The following DNAH8 variants were observed in gnomAD, a reference collection of about 807,000 sequenced individuals.
DNAH8 encodes dynein axonemal heavy chain 8, also known as axonemal beta dynein heavy chain 8.
A neutral mutation model predicts 562.1 loss-of-function variants in DNAH8; 382 were observed. The observed-to-expected ratio is 0.68, with a 90% CI of 0.63 to 0.74. The LOEUF (loss-of-function observed/expected upper bound fraction) is 0.74. DNAH8 is among the 30% of genes least tolerant of loss of function. The probability of loss-of-function intolerance (pLI) is 0.00; values close to 1 mark genes in which losing one functional copy is unlikely to be tolerated. For synonymous variants in DNAH8, 1,881 were observed against 1,919.4 expected, an observed-to-expected ratio of 0.98 and a Z score of 0.52; for missense variants, 5,203 against 5,620.4, an observed-to-expected ratio of 0.93 and a Z score of 2.37.
At chr6:38,989,214 G>A (rs1764613527) in intron 87 of DNAH8, among the ~76,000 whole-genome samples, 1 of 152,142 alleles carries the variant, frequency 6.6e-6, no homozygotes, top group African/African-American at 2.4e-5. Context: ...TAATTCAGAC[G>A]TCGTGCCTGC....
At chr6:38,858,618 A>G (rs1776376295) in intron 42 of DNAH8, among the ~76,000 whole-genome samples, 1 of 152,162 alleles carries the variant, frequency 6.6e-6, no homozygotes, top group African/African-American at 2.4e-5. Flanking sequence ...CCCATCCAAG[A>G]CCTACTGAAT....
chr6:38,806,766 G>A (rs1297568971), intron 23 of DNAH8, among the ~76,000 whole-genome samples: 1 of 147,154 alleles, frequency 6.8e-6, no homozygotes, highest in Non-Finnish European at 1.5e-5. Flanking sequence ...GGGCGACAGA[G>A]CAAGACTCTG....
chr6:38,735,564 T>C (rs1437658767), intron 5 of DNAH8, among the ~76,000 whole-genome samples: 1 of 152,256 alleles, frequency 6.6e-6, no homozygotes, highest in Admixed American at 6.5e-5. Flanking sequence ...CCTCTATGTA[T>C]GGATGTTTCC....
chr6:38,929,721 AAAG>A (rs1484041623), intron 75 of DNAH8, 55 bp downstream of exon 75: 7 of 1,428,390 alleles, frequency 4.9e-6, no homozygotes, highest in Admixed American at 5.0e-5. Flanking sequence ...AAAAAGAAAA[AAAG>A]AAAAAAATTA....
At chr6:38,813,702 A>T (rs974314339) in intron 24 of DNAH8, among the ~76,000 whole-genome samples, 1 of 152,198 alleles carries the variant, frequency 6.6e-6, no homozygotes, top group African/African-American at 2.4e-5. Flanking sequence ...TTGTGAAAAT[A>T]TAGATAAAGA....
rs552227126 is a variant in DNAH8, at chr6:38,923,293, T to C, written c.10790+108T>C. ...GAATCCCATCATCTATGACAGTGCT[T>C]GCAACTTAAATCATGCACTCTCAGG... On this transcript the variant is annotated intron_variant, in intron 72 of 92. Coordinates refer to ENST00000327475, the MANE Select transcript of DNAH8 (RefSeq NM_001206927.2). 68 of 1,353,972 alleles carry C rather than the reference T, an allele frequency of 5.0e-5. 2 individuals are homozygous for C. The East Asian group carries it at 7.4e-4, about 15-fold the overall frequency. The allele number at this position is 1,353,972 out of a possible 1,614,324, so 83.9% of individuals were successfully genotyped here.
At chr6:38,988,074 A>G (rs1208816782) in intron 87 of DNAH8, among the ~76,000 whole-genome samples, 1 of 152,168 alleles carries the variant, frequency 6.6e-6, no homozygotes, top group African/African-American at 2.4e-5. Flanking sequence ...TGGGAGAAGC[A>G]GCTCCACTGT....
intron 88 of DNAH8, among the ~76,000 whole-genome samples, chr6:39,000,319 T>G (rs1008575393): frequency 6.6e-6 from 1 of 152,118 alleles, no homozygotes; most frequent in African/African-American, 2.4e-5. Context: ...AATTCCAATT[T>G]AGGGATCAAA....
At chr6:38,957,124 A>G (rs1231526126) in intron 82 of DNAH8, among the ~76,000 whole-genome samples, 2 of 152,174 alleles carry the variant, frequency 1.3e-5, no homozygotes, top group Non-Finnish European at 2.9e-5. Context: ...CCATAAAAAG[A>G]ACAGGAGTAA....
intron 33 of DNAH8, among the ~76,000 whole-genome samples, chr6:38,839,255 A>C (rs1328095229): frequency 6.6e-6 from 1 of 152,170 alleles, no homozygotes; most frequent in Admixed American, 6.5e-5. Flanking sequence ...AGAAATCATC[A>C]TCACCATTTA....
chr6:38,716,013 C>T lies in DNAH8; in HGVS notation c.-35+598C>T, dbSNP rs1404233035. 2.2e-5 allele frequency among the ~76,000 whole-genome samples: 2 copies of T among 89,660 alleles called. 1 individual carries two copies. Among genetic ancestry groups the T allele is most frequent in the Non-Finnish European group, 5.3e-5 (2 of 38,046 alleles). The allele number at this position is 89,660 out of a possible 152,430, so 58.8% of individuals were successfully genotyped here. A position where few individuals can be genotyped will look rare whatever the true frequency, so the allele number is the denominator to read the frequency against. On this transcript the variant is annotated intron_variant, in intron 1 of 92. Transcript: ENST00000327475. ...TCACTCTGCCGCCCAGGCTGGAGTG[C>T]AGTGGTGCGATCTCGGCTCACTGCA...
At chr6:38,774,619 C>T (rs1209560662) in intron 12 of DNAH8, among the ~76,000 whole-genome samples, 1 of 152,148 alleles carries the variant, frequency 6.6e-6, no homozygotes, top group Admixed American at 6.6e-5. Context: ...AAATAGAGGA[C>T]ATGTTAGTGA....
In DNAH8 at chr6:38,933,076, T is replaced by C. The variant is rs115553099; in HGVS notation, c.11457+1083T>C. Among the ~76,000 whole-genome samples the C allele has an allele frequency of 5.2e-3, 787 of 152,250 alleles. 8 individuals are homozygous for C. Among genetic ancestry groups the C allele is most frequent in the African/African-American group, 0.018 (734 of 41,502 alleles). On this transcript the variant is annotated intron_variant, in intron 76 of 92. Transcript: ENST00000327475. Reference sequence around the variant, plus strand: ...AGATGGCCCTGGCCCGGCAATTCACTGTTTCCATCGCCTCTCAGGATCACA... The same window carrying C: ...AGATGGCCCTGGCCCGGCAATTCACCGTTTCCATCGCCTCTCAGGATCACA...
intron 28 of DNAH8, 34 bp downstream of exon 28, chr6:38,823,722 G>A: frequency 6.7e-7 from 1 of 1,489,576 alleles, no homozygotes; most frequent in South Asian, 1.2e-5. Context: ...TAAAGTATCT[G>A]TACTTTCACA....
chr6:38,881,978 C>T (rs764923999), intron 53 of DNAH8, among the ~76,000 whole-genome samples: 4 of 152,158 alleles, frequency 2.6e-5, no homozygotes, highest in Non-Finnish European at 5.9e-5. Context: ...GGTTTTACCA[C>T]CGGCTGATTT....
At chr6:38,863,852 A>G (rs1477523810) in intron 44 of DNAH8, 21 bp from the exon 45 acceptor site, 2 of 1,567,990 alleles carry the variant, frequency 1.3e-6, no homozygotes, top group South Asian at 2.4e-5. Context: ...AACTTTACAA[A>G]TTAACTGTTT....
chr6:39,004,489 A>C (rs1337944532), intron 88 of DNAH8, among the ~76,000 whole-genome samples: 1 of 152,184 alleles, frequency 6.6e-6, no homozygotes, highest in African/African-American at 2.4e-5. Context: ...TTTATGGATG[A>C]TAAACTCTTC....
intron 62 of DNAH8, among the ~76,000 whole-genome samples, chr6:38,900,596 T>A (rs1015940056): frequency 6.6e-6 from 1 of 152,110 alleles, no homozygotes; most frequent in Non-Finnish European, 1.5e-5. Flanking sequence ...CACTTGGCAT[T>A]GTGTGTCTTT....
intron 64 of DNAH8, 110 bp downstream of exon 64, chr6:38,908,230 TGAA>T: frequency 1.7e-6 from 1 of 604,332 alleles, no homozygotes; most frequent in Non-Finnish European, 2.6e-6. Context: ...ATTTTTACAT[TGAA>T]TTAAAATTAA....
Sources: allele counts gnomAD v4.1 joint callset (sites outside exome capture counted in the v4.1 genomes callset), GRCh38; gene constraint gnomAD v4.1.1; transcripts MANE v1.5; gene names NCBI Gene and HGNC (gene_info 2026-07-23, HGNC 2026-07-21).